PPARA: variants seen among roughly 807,000 people sequenced by gnomAD.
The protein encoded by PPARA is peroxisome proliferator activated receptor alpha.
Under a neutral mutation model 42.2 loss-of-function variants are expected in PPARA, and 22 were observed. The ratio of observed to expected loss-of-function variants is 0.52; its 90% CI spans 0.37 to 0.74. The LOEUF (loss-of-function observed/expected upper bound fraction) is 0.74, where lower values mean the gene tolerates loss of function less well. Among genes scored for constraint, PPARA ranks in the 30% least tolerant of loss-of-function variants. PPARA has a pLI of 0.00. For synonymous variants in PPARA, 242 were observed against 239.3 expected, an observed-to-expected ratio of 1.01 and a Z score of -0.10; for missense variants, 465 against 608.2, an observed-to-expected ratio of 0.76 and a Z score of 2.48.
intron 4 of PPARA, among the ~76,000 whole-genome samples, chr22:46,199,519 A>G (rs970406557): frequency 2.6e-5 from 4 of 152,028 alleles, no homozygotes; most frequent in African/African-American, 9.7e-5. Context: ...TGGTGCATGC[A>G]TGTGGTCCTA....
At position 46,232,264 on chromosome 22, in the gene PPARA, G is replaced by GT; in HGVS notation, c.1159+26dup. 1.9e-6 allele frequency: 3 copies of GT among 1,609,726 alleles called. No individual in the cohort carries two copies. The highest frequency in any genetic ancestry group is 2.6e-6 in the Non-Finnish European group (3 of 1,176,166). On this transcript the variant is annotated intron_variant, in intron 8 of 8. Transcript: ENST00000407236. The surrounding 1 kb of genome is among the most constrained non-coding windows in gnomAD (Gnocchi z 5.3). ...GGTGAGTGGTTGATTTAATCTGCTG[G>GT]TATCATGTCACTGACAGGCTCCTGT...
Position 46,233,001 on chromosome 22 carries a change from A to G in PPARA, c.1159+762A>G, listed in dbSNP as rs1033082706. On this transcript the variant is annotated intron_variant, in intron 8 of 8. Coordinates refer to ENST00000407236, the MANE Select transcript of PPARA (RefSeq NM_005036.6). The surrounding 1 kb of genome is among the most constrained non-coding windows in gnomAD (Gnocchi z 7.3). The stretch of plus-strand genomic sequence containing the variant: ...TGTCTCAAAAAAAAAAAAAAAAAAA[A>G]TTATACACACACACACACACACACA... Among the ~76,000 whole-genome samples the G allele has an allele frequency of 7.9e-6, 1 of 126,220 alleles. No individual in the cohort carries two copies. Among genetic ancestry groups the G allele is most frequent in the Non-Finnish European group, 1.5e-5 (1 of 64,864 alleles). The allele number at this position is 126,220 out of a possible 152,430, so 82.8% of individuals were successfully genotyped here.
In PPARA at chr22:46,218,319, C is replaced by G. The variant is rs1934685026; in HGVS notation, c.426C>G (p.Ser142Arg). The change falls in exon 6 of 9, where the codon AGC (serine) becomes AGG (arginine). Residue 142 changes from serine (S) to arginine (R), a missense_variant. Physicochemically the swap from Ser to Arg is moderately radical, Grantham distance 110. Around this residue, in one of 2 missense-constraint regions of PPARA, gnomAD observed 313 missense variants for 469.1 expected, o/e 0.67. Coordinates refer to ENST00000407236, the MANE Select transcript of PPARA (RefSeq NM_005036.6). The part of the protein sequence containing the change: ...LKLVYDKCDR[S>R]CKIQKKNRNK... ...TGGTGTATGACAAGTGCGACCGCAG[C>G]TGCAAGATCCAGAAAAAGAACAGAA... 1 of 1,614,052 alleles carries G rather than the reference C, an allele frequency of 6.2e-7. No homozygotes were observed. The highest frequency in any genetic ancestry group is 1.7e-5 in the Admixed American group (1 of 59,996).
chr22:46,235,869 ATATT>A lies in PPARA; in HGVS notation c.*495_*498del, dbSNP rs1266849622. Reference sequence around the variant, plus strand: ...GGTGAAGTATGTAAAAAGCAGCAAAATATTTATTTCAAAGACTTCACTTCTGTTT... The same window carrying A: ...GGTGAAGTATGTAAAAAGCAGCAAAATATTTCAAAGACTTCACTTCTGTTT... On this transcript the variant is annotated 3_prime_UTR_variant, in exon 9 of 9. Transcript: ENST00000407236. This position sits in a 1 kb window ranked among gnomAD's most constrained non-coding sequence, Gnocchi z 7.0. 6.0e-6 allele frequency: 1 copy of A among 166,462 alleles called. No individual in the cohort carries two copies. Among genetic ancestry groups the A allele is most frequent in the African/African-American group, 2.4e-5 (1 of 41,782 alleles). 10.3% of individuals were successfully genotyped at this position (166,462 alleles called of 1,614,324 possible).
Position 46,171,119 on chromosome 22 carries a change from C to T in PPARA, c.-126-5634C>T, listed in dbSNP as rs1272539406. ...GAGATCGCAGTGAGCCAAGACTGCGCCACTGCACTCCAGCCTGGGCAACAG... is the reference window on the plus strand; with the variant it reads ...GAGATCGCAGTGAGCCAAGACTGCGTCACTGCACTCCAGCCTGGGCAACAG... On this transcript the variant is annotated intron_variant, in intron 2 of 8. Coordinates refer to ENST00000407236, the MANE Select transcript of PPARA (RefSeq NM_005036.6). The surrounding 1 kb of genome is among the most constrained non-coding windows in gnomAD (Gnocchi z 5.0). Among the ~76,000 whole-genome samples, 1 of 151,984 alleles carries T rather than the reference C, an allele frequency of 6.6e-6. No individual in the cohort carries two copies. The highest frequency in any genetic ancestry group is 2.4e-5 in the African/African-American group (1 of 41,356).
rs1601711515 is a variant in PPARA at position 46,196,305 on chromosome 22, T to C, written c.-42-2037T>C. On this transcript the variant is annotated intron_variant, in intron 3 of 8. Coordinates refer to ENST00000407236, the MANE Select transcript of PPARA (RefSeq NM_005036.6). The surrounding 1 kb of genome is among the most constrained non-coding windows in gnomAD (Gnocchi z 5.6). Reference sequence around the variant, plus strand: ...CTGGGACTCACCCAGTTAGATTTGTTTGGACTCCACAAAGTATTCTTGACC... The same window carrying C: ...CTGGGACTCACCCAGTTAGATTTGTCTGGACTCCACAAAGTATTCTTGACC... Among the ~76,000 whole-genome samples the C allele has an allele frequency of 1.3e-5, 2 of 152,340 alleles. No homozygotes were observed. Among genetic ancestry groups the C allele is most frequent in the South Asian group, 4.1e-4 (2 of 4,830 alleles).
chr22:46,229,015 G>C (rs1278707327), intron 7 of PPARA, among the ~76,000 whole-genome samples: 1 of 151,784 alleles, frequency 6.6e-6, no homozygotes, highest in Non-Finnish European at 1.5e-5. Flanking sequence ...GCTGAGGCAG[G>C]AGAATGGCAT....
At chr22:46,220,746 C>T (rs1934936700) in intron 7 of PPARA, 3 of 151,116 alleles carry the variant, frequency 2.0e-5, no homozygotes, top group Admixed American at 2.0e-4. Flanking sequence ...AGTTTGATAC[C>T]AGCCTGGCCA....
chr22:46,180,709 G>T lies in PPARA; in HGVS notation c.-43+3873G>T, dbSNP rs1203909163. 6.6e-6 allele frequency among the ~76,000 whole-genome samples: 1 copy of T among 152,080 alleles called. No homozygotes were observed. The highest frequency in any genetic ancestry group is 1.5e-5 in the Non-Finnish European group (1 of 68,028). ...CTTTGTTTGGTGCTCTGACTTTCTGGATGCAAGTCCACTGAGCCAGTGTAC... is the reference window on the plus strand; with the variant it reads ...CTTTGTTTGGTGCTCTGACTTTCTGTATGCAAGTCCACTGAGCCAGTGTAC... On this transcript the variant is annotated intron_variant, in intron 3 of 8. Coordinates refer to ENST00000407236, the MANE Select transcript of PPARA (RefSeq NM_005036.6). This position sits in a 1 kb window ranked among gnomAD's most constrained non-coding sequence, Gnocchi z 4.2.
Position 46,227,370 on chromosome 22 carries a change from G to C in PPARA, c.712-4422G>C, listed in dbSNP as rs1935539670. 6.6e-6 allele frequency among the ~76,000 whole-genome samples: 1 copy of C among 152,052 alleles called. No individual in the cohort carries two copies. The highest frequency in any genetic ancestry group is 2.4e-5 in the African/African-American group (1 of 41,370). ...GGGTTCAAGCGATTCTCCTGCCTCA[G>C]CCTCCTAAGTAGCTGGGATTACAGG... On this transcript the variant is annotated intron_variant, in intron 7 of 8. Transcript: ENST00000407236. The surrounding 1 kb of genome is among the most constrained non-coding windows in gnomAD (Gnocchi z 4.3).
At chr22:46,179,566 A>C (rs1344885796) in intron 3 of PPARA, among the ~76,000 whole-genome samples, 1 of 152,216 alleles carries the variant, frequency 6.6e-6, no homozygotes, top group Non-Finnish European at 1.5e-5. Context: ...ATTAACTCAA[A>C]ATAGATCAGA....
intron 7 of PPARA, chr22:46,220,286 C>T: frequency 4.3e-6 from 2 of 467,034 alleles, no homozygotes; most frequent in South Asian, 4.2e-5. Context: ...ACCTTAATAG[C>T]TTACCAAGTA....
In PPARA at chr22:46,192,888, C is replaced by T. The variant is rs1931748120; in HGVS notation, c.-42-5454C>T. ...AATAATCCAGGCACAGAAAGACAAA[C>T]TTCACATGTTCTCACTTATTTGTGG... On this transcript the variant is annotated intron_variant, in intron 3 of 8. Transcript: ENST00000407236. The surrounding 1 kb of genome is among the most constrained non-coding windows in gnomAD (Gnocchi z 4.3). 6.6e-6 allele frequency among the ~76,000 whole-genome samples: 1 copy of T among 152,146 alleles called. No homozygotes were observed. Among genetic ancestry groups the T allele is most frequent in the Admixed American group, 6.6e-5 (1 of 15,258 alleles).
rs942341909 is a variant in PPARA, at chr22:46,191,275, G to A, written c.-42-7067G>A. Among the ~76,000 whole-genome samples the A allele has an allele frequency of 5.3e-5, 8 of 152,174 alleles. No homozygotes were observed. The highest frequency in any genetic ancestry group is 1.3e-4 in the Admixed American group (2 of 15,266). ...TCATGTCCAATACAAGGGTGCACAC[G>A]TGGGTGAGACACGGCAGCTGCTCTC... On this transcript the variant is annotated intron_variant, in intron 3 of 8. Coordinates refer to ENST00000407236, the MANE Select transcript of PPARA (RefSeq NM_005036.6). The surrounding 1 kb of genome is among the most constrained non-coding windows in gnomAD (Gnocchi z 4.6).
chr22:46,179,647 G>C (rs1269498164), intron 3 of PPARA, among the ~76,000 whole-genome samples: 1 of 151,776 alleles, frequency 6.6e-6, no homozygotes, highest in African/African-American at 2.4e-5. Flanking sequence ...TTGTGACCTT[G>C]GTCTAGGCAA....
rs1181958834 is a variant in PPARA at position 46,231,715 on chromosome 22, T to C, written c.712-77T>C. ...AGCTTGGTGATTTGGACGCAGGAGC[T>C]GCTCATTAGTGAGCTGATAGCTGGG... On this transcript the variant is annotated intron_variant, in intron 7 of 8. Coordinates refer to ENST00000407236, the MANE Select transcript of PPARA (RefSeq NM_005036.6). This position sits in a 1 kb window ranked among gnomAD's most constrained non-coding sequence, Gnocchi z 7.7. 7.0e-7 allele frequency: 1 copy of C among 1,437,648 alleles called. No homozygotes were observed. The highest frequency in any genetic ancestry group is 1.4e-5 in the African/African-American group (1 of 71,224). The allele number at this position is 1,437,648 out of a possible 1,614,324, so 89.1% of individuals were successfully genotyped here.
intron 2 of PPARA, among the ~76,000 whole-genome samples, chr22:46,153,061 G>C (rs1428854738): frequency 6.6e-6 from 1 of 152,076 alleles, no homozygotes; most frequent in African/African-American, 2.4e-5. Context: ...ACTGCAGCCT[G>C]GGCGCCAGGG....
At position 46,218,255 on chromosome 22, in the gene PPARA, C is replaced by A. The variant is rs1036892981; in HGVS notation, c.370-8C>A. 2 of 1,614,026 alleles carry A rather than the reference C, an allele frequency of 1.2e-6. No homozygotes were observed. Among genetic ancestry groups the A allele is most frequent in the Non-Finnish European group, 1.7e-6 (2 of 1,179,992 alleles). ...GGTCTTTAAATCCACTGTGTATTACCCTCACAGGGCTTCTTTCGGCGAACG... is the reference window on the plus strand; with the variant it reads ...GGTCTTTAAATCCACTGTGTATTACACTCACAGGGCTTCTTTCGGCGAACG... On this transcript the variant is annotated splice_polypyrimidine_tract_variant and splice_region_variant and intron_variant, in intron 5 of 8. Transcript: ENST00000407236.
chr22:46,151,048 C>T (rs1055905834), intron 1 of PPARA: 1 of 152,236 alleles, frequency 6.6e-6, no homozygotes, highest in South Asian at 2.1e-4. Context: ...GGCCCACGGG[C>T]GGGGACATCG....
Sources: gnomAD v4.1 joint callset for allele counts (sites outside exome capture counted in the v4.1 genomes callset) on GRCh38, gnomAD v4.1.1 for gene constraint, gnomAD v4.1.1 regional missense constraint, Gnocchi (gnomAD v3.1) non-coding constraint, MANE v1.5 for transcripts, NCBI Gene and HGNC (gene_info 2026-07-23, HGNC 2026-07-21) for gene names.